Variants in TCF7L2 observed in about 807,000 individuals in gnomAD.
The protein encoded by TCF7L2 is transcription factor 7-like 2.
Under a neutral mutation model 77.9 loss-of-function variants are expected in TCF7L2, and 23 were observed. That is an observed-to-expected ratio of 0.30 (90% CI 0.21 to 0.42). TCF7L2 has a LOEUF of 0.42. Ranked by LOEUF, TCF7L2 falls within the 10% of genes least tolerant of loss-of-function variation. The pLI is 1.00. For synonymous variants in TCF7L2, 413 were observed against 340.2 expected (o/e 1.21, Z -2.36); for missense variants, 654 against 793.1 (o/e 0.82, Z 2.11).
intron 5 of TCF7L2, among the ~76,000 whole-genome samples, chr10:113,079,597 G>GT (rs1226895254): frequency 2.0e-5 from 3 of 152,212 alleles, no homozygotes; most frequent in African/African-American, 7.2e-5. Flanking sequence ...ACTGAGGGTT[G>GT]TTTCAGAACC....
chr10:112,987,091 T>C (rs1031007362), intron 4 of TCF7L2, among the ~76,000 whole-genome samples: 5 of 152,228 alleles, frequency 3.3e-5, no homozygotes, highest in Non-Finnish European at 7.3e-5. Context: ...TGTTCATTTC[T>C]TTTGTTTCTA....
intron 5 of TCF7L2, among the ~76,000 whole-genome samples, chr10:113,123,423 T>C (rs1384544951): frequency 6.6e-6 from 1 of 152,230 alleles, no homozygotes; most frequent in Non-Finnish European, 1.5e-5. Flanking sequence ...GAAAAATCTT[T>C]AGTCGGATAC....
intron 3 of TCF7L2, among the ~76,000 whole-genome samples, chr10:112,955,449 T>TA (rs1358856389): frequency 2.0e-5 from 3 of 152,182 alleles, no homozygotes; most frequent in African/African-American, 7.2e-5. Flanking sequence ...GATTATAAAT[T>TA]AAATATGCCA....
chr10:113,129,984 C>T (rs1220738747), intron 5 of TCF7L2: 1 of 1,280,604 alleles, frequency 7.8e-7, no homozygotes. Flanking sequence ...ATTTGAATTG[C>T]TGGGTGAGTA....
At chr10:113,108,856 C>T (rs2062757423) in intron 5 of TCF7L2, among the ~76,000 whole-genome samples, 1 of 152,176 alleles carries the variant, frequency 6.6e-6, no homozygotes, top group Admixed American at 6.5e-5. Context: ...TCTCCCATTC[C>T]CTGCCGGTGA....
At chr10:113,056,443 C>T (rs1371749421) in intron 5 of TCF7L2, among the ~76,000 whole-genome samples, 1 of 152,090 alleles carries the variant, frequency 6.6e-6, no homozygotes, top group African/African-American at 2.4e-5. Flanking sequence ...ATAATAGAAA[C>T]AAAAAACCCG....
Position 113,158,056 on chromosome 10 carries a change from G to A in TCF7L2, c.1305G>A (p.Pro435=), listed in dbSNP as rs1039392955. 13 of 1,598,254 alleles carry A rather than the reference G, an allele frequency of 8.1e-6. No individual in the cohort carries two copies. The highest frequency in any genetic ancestry group is 1.1e-5 in the South Asian group (1 of 88,180). Residue 435 remains proline, a synonymous_variant, in exon 12 of 14, where the codon CCG becomes CCA. Transcript: ENST00000627217. Reference sequence around the variant, plus strand: ...AGAAGAGGAAAAGGGACAAGCAGCCGGGAGAGACCAATGGTAAGTGACAAT... The same window carrying A: ...AGAAGAGGAAAAGGGACAAGCAGCCAGGAGAGACCAATGGTAAGTGACAAT...
At chr10:113,081,533 T>C (rs1208489094) in intron 5 of TCF7L2, among the ~76,000 whole-genome samples, 1 of 152,214 alleles carries the variant, frequency 6.6e-6, no homozygotes, top group Non-Finnish European at 1.5e-5. Flanking sequence ...CAACTCCTGT[T>C]CTCTCAAAGT....
intron 4 of TCF7L2, among the ~76,000 whole-genome samples, chr10:113,003,240 A>G (rs1254656815): frequency 6.6e-6 from 1 of 152,132 alleles, no homozygotes; most frequent in African/African-American, 2.4e-5. Context: ...AGCAAACATT[A>G]TTTATTGTGG....
At chr10:113,067,141 C>T (rs570085069) in intron 5 of TCF7L2, among the ~76,000 whole-genome samples, 1 of 152,296 alleles carries the variant, frequency 6.6e-6, no homozygotes, top group South Asian at 2.1e-4. Flanking sequence ...AATAAATCAA[C>T]ATAATAGCCC....
At chr10:113,110,908 G>C (rs930088142) in intron 5 of TCF7L2, among the ~76,000 whole-genome samples, 5 of 152,136 alleles carry the variant, frequency 3.3e-5, no homozygotes, top group African/African-American at 1.2e-4. Flanking sequence ...TCTGAGTTTA[G>C]ATTGGTATGA....
rs2137647112 is a variant in TCF7L2, at chr10:113,165,590, A to G, written c.1427A>G (p.Glu476Gly). 1.2e-6 allele frequency: 2 copies of G among 1,613,886 alleles called. No individual in the cohort carries two copies. Among genetic ancestry groups the G allele is most frequent in the East Asian group, 4.5e-5 (2 of 44,856 alleles). ...AAGTGCGTTCGCTACATACAAGGTGAAGGCAGCTGCCTCAGCCCACCCTCT... is the reference window on the plus strand; with the variant it reads ...AAGTGCGTTCGCTACATACAAGGTGGAGGCAGCTGCCTCAGCCCACCCTCT... Residue 476 changes from glutamate (E) to glycine (G), a missense_variant, in exon 14 of 14, where the codon GAA (glutamate) becomes GGA (glycine). Physicochemically the swap from Glu to Gly is moderately conservative, Grantham distance 98. This residue lies in a region of TCF7L2 where 272 missense variants were observed against 215.4 expected (regional missense o/e 1.26). Transcript: ENST00000627217.
At chr10:113,076,591 A>G (rs929953795) in intron 5 of TCF7L2, among the ~76,000 whole-genome samples, 2 of 152,216 alleles carry the variant, frequency 1.3e-5, no homozygotes, top group Middle Eastern at 3.2e-3. Flanking sequence ...CTTGAAAGGA[A>G]CCATCTATTG....
intron 5 of TCF7L2, among the ~76,000 whole-genome samples, chr10:113,095,565 A>T (rs1043128478): frequency 1.3e-5 from 2 of 151,956 alleles, no homozygotes. Flanking sequence ...CCCAGTGTAG[A>T]GGGAACATGA....
chr10:112,996,963 G>A (rs1191657678), intron 4 of TCF7L2, among the ~76,000 whole-genome samples: 2 of 152,206 alleles, frequency 1.3e-5, no homozygotes, highest in African/African-American at 2.4e-5. Flanking sequence ...CCGCCATGAT[G>A]GTGGAAAGTG....
chr10:113,001,508 G>T (rs1282813969), intron 4 of TCF7L2, among the ~76,000 whole-genome samples: 1 of 151,860 alleles, frequency 6.6e-6, no homozygotes, highest in Non-Finnish European at 1.5e-5. Flanking sequence ...TCATTAAGTG[G>T]ATTTTTTTTT....
At chr10:113,038,193 T>A (rs916136143) in intron 4 of TCF7L2, among the ~76,000 whole-genome samples, 1 of 152,128 alleles carries the variant, frequency 6.6e-6, no homozygotes, top group Admixed American at 6.6e-5. Flanking sequence ...CTTCAGTGTT[T>A]GGGGCAGACT....
intron 1 of TCF7L2, 52 bp downstream of exon 1, chr10:112,950,997 G>A (rs2134183470): frequency 6.4e-7 from 1 of 1,560,864 alleles, no homozygotes. Context: ...TCCTGGGCTT[G>A]GCAAATGTTG....
intron 5 of TCF7L2, among the ~76,000 whole-genome samples, chr10:113,102,431 T>TG (rs1048672959): frequency 2.0e-5 from 3 of 150,160 alleles, no homozygotes; most frequent in African/African-American, 7.4e-5. Context: ...TTGTTTGTTT[T>TG]TTTTTTTTTT....
Sources: gnomAD v4.1 joint callset for allele counts (sites outside exome capture counted in the v4.1 genomes callset) on GRCh38, gnomAD v4.1.1 for gene constraint, gnomAD v4.1.1 regional missense constraint, MANE v1.5 for transcripts, NCBI Gene and HGNC (gene_info 2026-07-23, HGNC 2026-07-21) for gene names.